Variants in COMMD1 observed in about 807,000 individuals in gnomAD.
COMMD1 encodes copper metabolism domain containing 1, also known as COMM domain-containing protein 1.
Under a neutral mutation model 17.2 loss-of-function variants are expected in COMMD1, and 10 were observed. That is an observed-to-expected ratio of 0.58 (90% CI 0.36 to 0.99). The LOEUF (loss-of-function observed/expected upper bound fraction) is 0.99. COMMD1 is among the 50% of genes least tolerant of loss of function. COMMD1 has a pLI of 0.01. For missense variants in COMMD1, 270 were observed against 231.8 expected (o/e 1.17, Z -1.07); for synonymous variants, 97 against 91.6 (o/e 1.06, Z -0.34).
chr2:62,102,130 T>G (rs534130412), intron 2 of COMMD1, among the ~76,000 whole-genome samples: 2 of 152,294 alleles, frequency 1.3e-5, no homozygotes, highest in Admixed American at 1.3e-4. Flanking sequence ...TGAGAAACCA[T>G]AAACAAAGAC....
chr2:61,965,773 T>TGGAGATTCTCCCTC (rs1671489657), intron 1 of COMMD1, among the ~76,000 whole-genome samples: 1 of 152,208 alleles, frequency 6.6e-6, no homozygotes, highest in Admixed American at 6.5e-5. Flanking sequence ...CCTTCTCACA[T>TGGAGATTCTCCCTC]GGAGATTCTC....
intron 2 of COMMD1, among the ~76,000 whole-genome samples, chr2:62,020,952 G>A (rs1177394933): frequency 2.0e-5 from 3 of 151,154 alleles, no homozygotes; most frequent in African/African-American, 7.3e-5. Context: ...GCGGTGAGCC[G>A]AGATTGCGCC....
intron 1 of COMMD1, among the ~76,000 whole-genome samples, chr2:61,982,463 G>A (rs1367169094): frequency 6.6e-6 from 1 of 152,012 alleles, no homozygotes; most frequent in African/African-American, 2.4e-5. Flanking sequence ...TTTCCAATTT[G>A]GATGCCCTTT....
At chr2:62,014,337 A>G (rs534788649) in intron 2 of COMMD1, among the ~76,000 whole-genome samples, 1 of 152,162 alleles carries the variant, frequency 6.6e-6, no homozygotes, top group Non-Finnish European at 1.5e-5. Context: ...ACTCAGGGCA[A>G]CAGTGTATCC....
chr2:62,036,606 G>A (rs968649782), intron 2 of COMMD1, among the ~76,000 whole-genome samples: 1 of 152,330 alleles, frequency 6.6e-6, no homozygotes, highest in South Asian at 2.1e-4. Context: ...TGGAGCTGAT[G>A]TAAGGGGCTT....
At chr2:62,089,120 A>G (rs950003994) in intron 2 of COMMD1, among the ~76,000 whole-genome samples, 6 of 152,132 alleles carry the variant, frequency 3.9e-5, no homozygotes, top group Non-Finnish European at 8.8e-5. Context: ...ATAGATGACA[A>G]ATGTTTCCAA....
chr2:61,985,090 G>C (rs544688749), intron 1 of COMMD1, among the ~76,000 whole-genome samples: 2 of 144,072 alleles, frequency 1.4e-5, no homozygotes, highest in African/African-American at 5.1e-5. Context: ...TCGCTCTGTC[G>C]CCCAGGCTGG....
At chr2:62,074,407 C>A (rs1373675878) in intron 2 of COMMD1, among the ~76,000 whole-genome samples, 1 of 152,190 alleles carries the variant, frequency 6.6e-6, no homozygotes, top group Non-Finnish European at 1.5e-5. Context: ...CATGAGCTCC[C>A]TGGGGGCCCA....
chr2:62,022,748 T>C (rs1669645629), intron 2 of COMMD1, among the ~76,000 whole-genome samples: 1 of 152,174 alleles, frequency 6.6e-6, no homozygotes, highest in East Asian at 1.9e-4. Context: ...TTGAAAAGAC[T>C]TAGCCACATT....
At chr2:61,926,926 A>G (rs912851027) in intron 1 of COMMD1, among the ~76,000 whole-genome samples, 1 of 152,004 alleles carries the variant, frequency 6.6e-6, no homozygotes, top group African/African-American at 2.4e-5. Context: ...GGCTAAATAA[A>G]CCTCTAATCT....
At chr2:61,922,889 C>T (rs1220106408) in intron 1 of COMMD1, among the ~76,000 whole-genome samples, 1 of 152,218 alleles carries the variant, frequency 6.6e-6, no homozygotes, top group African/African-American at 2.4e-5. Context: ...CTTTGCTTTA[C>T]ATGGTTTCTG....
intron 2 of COMMD1, among the ~76,000 whole-genome samples, chr2:62,018,061 A>AGTCTGACTT (rs1669505183): frequency 6.6e-6 from 1 of 152,018 alleles, no homozygotes; most frequent in African/African-American, 2.4e-5. Flanking sequence ...AAAAAAAAAA[A>AGTCTGACTT]GTCTGACTTT....
intron 2 of COMMD1, among the ~76,000 whole-genome samples, chr2:62,101,428 G>A (rs1276542259): frequency 2.6e-5 from 4 of 152,104 alleles, no homozygotes; most frequent in Non-Finnish European, 5.9e-5. Flanking sequence ...GGGCAACATA[G>A]CAAGACCCCA....
At chr2:61,948,699 G>A (rs890753656) in intron 1 of COMMD1, among the ~76,000 whole-genome samples, 2 of 152,102 alleles carry the variant, frequency 1.3e-5, no homozygotes, top group African/African-American at 4.8e-5. Flanking sequence ...CTCAATATGA[G>A]GGCTAAAACT....
intron 1 of COMMD1, among the ~76,000 whole-genome samples, chr2:61,908,690 G>T (rs1168331226): frequency 1.3e-5 from 2 of 152,090 alleles, no homozygotes; most frequent in Non-Finnish European, 2.9e-5. Context: ...CTCCCGAGTG[G>T]CTGGGATTAC....
intron 1 of COMMD1, among the ~76,000 whole-genome samples, chr2:61,892,742 A>C (rs929251477): frequency 6.6e-6 from 1 of 151,286 alleles, no homozygotes; most frequent in Non-Finnish European, 1.5e-5. Context: ...TATGTATCTT[A>C]TCTCTCTTAG....
intron 2 of COMMD1, among the ~76,000 whole-genome samples, chr2:62,114,660 T>G (rs1022926913): frequency 1.3e-5 from 2 of 152,340 alleles, no homozygotes; most frequent in East Asian, 1.9e-4. Context: ...TGTTCTTGGC[T>G]GCTCCAGACT....
chr2:61,934,463 C>T (rs1670551855), intron 1 of COMMD1, among the ~76,000 whole-genome samples: 1 of 152,096 alleles, frequency 6.6e-6, no homozygotes, highest in African/African-American at 2.4e-5. Context: ...TGGCTCATAC[C>T]TGTGATCCCA....
chr2:61,945,096 A>G (rs141237354), intron 1 of COMMD1, among the ~76,000 whole-genome samples: 1 of 152,190 alleles, frequency 6.6e-6, no homozygotes, highest in Admixed American at 6.5e-5. Context: ...AAACCCAACA[A>G]TATGATTACT....
Sources: allele counts gnomAD v4.1 joint callset (sites outside exome capture counted in the v4.1 genomes callset), GRCh38; gene constraint gnomAD v4.1.1; transcripts MANE v1.5; gene names NCBI Gene and HGNC (gene_info 2026-07-23, HGNC 2026-07-21).